Variants in EPO observed in about 807,000 individuals in gnomAD.
EPO encodes the protein epoetin.
Under a neutral mutation model 24.4 loss-of-function variants are expected in EPO, and 12 were observed. The observed-to-expected ratio is 0.49, with a 90% CI of 0.32 to 0.80. The LOEUF (loss-of-function observed/expected upper bound fraction) is 0.80, where lower values mean the gene tolerates loss of function less well. EPO is among the 30% of genes least tolerant of loss of function. EPO has a pLI of 0.04. For synonymous variants in EPO, 107 were observed against 104.0 expected (o/e 1.03, Z -0.18); for missense variants, 210 against 238.0 (o/e 0.88, Z 0.77).
In EPO at chr7:100,723,155, T is replaced by A; in HGVS notation, c.*22T>A. The A allele has an allele frequency of 6.2e-7, 1 of 1,606,182 alleles. No homozygotes were observed. Among genetic ancestry groups the A allele is most frequent in the Non-Finnish European group, 8.5e-7 (1 of 1,175,466 alleles). On this transcript the variant is annotated 3_prime_UTR_variant, in exon 5 of 5. Transcript: ENST00000252723. ...ATGACCAGGTGTGTCCACCTGGGCA[T>A]ATCCACCACCTCCCTCACCAACATT... is the stretch of plus-strand genomic sequence containing the variant.
In EPO at chr7:100,723,040, C is replaced by A. The variant is rs1806774675; in HGVS notation, c.489C>A (p.Asp163Glu). The change falls in exon 5 of 5, where the codon GAC (aspartate) becomes GAA (glutamate). Residue 163 changes from aspartate (D) to glutamate (E), a missense_variant. Transcript: ENST00000252723. Reference protein sequence around the residue: ...SAAPLRTITADTFRKLFRVYS... With the variant: ...SAAPLRTITAETFRKLFRVYS... ...CTCCACTCCGAACAATCACTGCTGACACTTTCCGCAAACTCTTCCGAGTCT... is the reference window on the plus strand; with the variant it reads ...CTCCACTCCGAACAATCACTGCTGAAACTTTCCGCAAACTCTTCCGAGTCT... 1 of 1,614,040 alleles carries A rather than the reference C, an allele frequency of 6.2e-7. No homozygotes were observed. The highest frequency in any genetic ancestry group is 1.3e-5 in the African/African-American group (1 of 74,896).
At position 100,721,841 on chromosome 7, in the gene EPO, C is replaced by G; in HGVS notation, c.160-121C>G. The G allele has an allele frequency of 1.3e-6, 2 of 1,502,190 alleles. No homozygotes were observed. The highest frequency in any genetic ancestry group is 1.8e-6 in the Non-Finnish European group (2 of 1,115,970). 93.1% of individuals were successfully genotyped at this position (1,502,190 alleles called of 1,614,324 possible). A position where few individuals can be genotyped will look rare whatever the true frequency, so the allele number is the denominator to read the frequency against. ...ACTGCCCCCCTACATAAGAATAAGTCTGGTGGCCCCAAACCATACCTGGAA... is the reference window on the plus strand; with the variant it reads ...ACTGCCCCCCTACATAAGAATAAGTGTGGTGGCCCCAAACCATACCTGGAA... On this transcript the variant is annotated intron_variant, in intron 2 of 4. Coordinates refer to ENST00000252723, the MANE Select transcript of EPO (RefSeq NM_000799.4). The surrounding 1 kb of genome is among the most constrained non-coding windows in gnomAD (Gnocchi z 4.0).
Position 100,720,849 on chromosome 7 carries a change from C to T in EPO, c.-132C>T. ...CGCCCGCTCTGCTCCGACACCGCGCCCCCTGGACAGCCGCCCTCTCCTCCA... is the reference window on the plus strand; with the variant it reads ...CGCCCGCTCTGCTCCGACACCGCGCTCCCTGGACAGCCGCCCTCTCCTCCA... On this transcript the variant is annotated 5_prime_UTR_variant, in exon 1 of 5. Coordinates refer to ENST00000252723, the MANE Select transcript of EPO (RefSeq NM_000799.4). The T allele has an allele frequency of 8.8e-7, 1 of 1,138,390 alleles. No homozygotes were observed. Among genetic ancestry groups the T allele is most frequent in the Non-Finnish European group, 1.1e-6 (1 of 870,256 alleles). The allele number at this position is 1,138,390 out of a possible 1,614,324, so 70.5% of individuals were successfully genotyped here. A position where few individuals can be genotyped will look rare whatever the true frequency, so the allele number is the denominator to read the frequency against.
At position 100,721,008 on chromosome 7, in the gene EPO, G is replaced by T. The variant is rs1275606699; in HGVS notation, c.13+15G>T. ...GGGGGTGCACGGTGAGTACTCGCGG[G>T]CTGGGCGCTCCCGCCCGCCCGGGTC... is the stretch of plus-strand genomic sequence containing the variant. On this transcript the variant is annotated intron_variant, in intron 1 of 4. Coordinates refer to ENST00000252723, the MANE Select transcript of EPO (RefSeq NM_000799.4). This position sits in a 1 kb window ranked among gnomAD's most constrained non-coding sequence, Gnocchi z 4.0. 1 of 1,574,990 alleles carries T rather than the reference G, an allele frequency of 6.3e-7. No homozygotes were observed. Among genetic ancestry groups the T allele is most frequent in the Admixed American group, 1.8e-5 (1 of 55,808 alleles).
Position 100,721,652 on chromosome 7 carries a change from C to T in EPO, c.108C>T (p.Ser36=), listed in dbSNP as rs140045752. Residue 36 remains serine (S), a synonymous_variant, in exon 2 of 5, where the codon AGC becomes AGT. Transcript: ENST00000252723. The surrounding 1 kb of genome is among the most constrained non-coding windows in gnomAD (Gnocchi z 4.0). ...CCCCACCACGCCTCATCTGTGACAG[C>T]CGAGTCCTGGAGAGGTACCTCTTGG... The part of the protein sequence containing the change: ...LGAPPRLICD[S]RVLERYLLEA... 6.7e-4 allele frequency: 1,079 copies of T among 1,613,450 alleles called. 6 individuals carry two copies. The African/African-American group carries it at 0.011, about 17-fold the overall frequency.
chr7:100,722,564 G>A, intron 3 of EPO, 100 bp from the exon 4 acceptor site: 1 of 909,930 alleles, frequency 1.1e-6, no homozygotes, highest in Non-Finnish European at 1.7e-6. Flanking sequence ...AAGTCTTATT[G>A]CATACCTTCT....
In EPO at chr7:100,721,404, T is replaced by C. The variant is rs955145231; in HGVS notation, c.14-154T>C. ...GTGGGGTGTGCACACGGCAGCAGGATTGAATGAAGGCCAGGGAGGCAGCAC... is the reference window on the plus strand; with the variant it reads ...GTGGGGTGTGCACACGGCAGCAGGACTGAATGAAGGCCAGGGAGGCAGCAC... On this transcript the variant is annotated intron_variant, in intron 1 of 4. Transcript: ENST00000252723. This position sits in a 1 kb window ranked among gnomAD's most constrained non-coding sequence, Gnocchi z 4.0. Among the ~76,000 whole-genome samples the C allele has an allele frequency of 5.3e-5, 8 of 151,980 alleles. No individual in the cohort carries two copies. The highest frequency in any genetic ancestry group is 4.2e-4 in the South Asian group (2 of 4,818).
At position 100,720,520 on chromosome 7, in the gene EPO, C is replaced by T. The variant is rs1289374042; in HGVS notation, c.-461C>T. ...TCCCAAGGGTGCGCAACCGGCTGCACTCCCCTCCCGCGACCCAGGGCCCGG... is the reference window on the plus strand; with the variant it reads ...TCCCAAGGGTGCGCAACCGGCTGCATTCCCCTCCCGCGACCCAGGGCCCGG... On this transcript the variant is annotated 5_prime_UTR_variant, in exon 1 of 5. Transcript: ENST00000252723. 6.6e-6 allele frequency among the ~76,000 whole-genome samples: 1 copy of T among 152,154 alleles called. No homozygotes were observed. The highest frequency in any genetic ancestry group is 1.5e-5 in the Non-Finnish European group (1 of 68,006).
Position 100,722,793 on chromosome 7 carries a change from G to C in EPO, c.376G>C (p.Val126Leu). The C allele has an allele frequency of 6.2e-7, 1 of 1,614,052 alleles. No individual in the cohort carries two copies. ...CCTGCAGCTGCATGTGGATAAAGCCGTCAGTGGCCTTCGCAGCCTCACCAC... is the reference window on the plus strand; with the variant it reads ...CCTGCAGCTGCATGTGGATAAAGCCCTCAGTGGCCTTCGCAGCCTCACCAC... ...EPLQLHVDKA[V>L]SGLRSLTTLL... The change falls in exon 4 of 5, where the codon GTC (valine) becomes CTC (leucine). Residue 126 changes from valine (V) to leucine (L), a missense_variant. Val to Leu is a conservative substitution (Grantham distance 32). Transcript: ENST00000252723.
At position 100,721,490 on chromosome 7, in the gene EPO, G is replaced by A. The variant is rs1041528266; in HGVS notation, c.14-68G>A. 6.0e-5 allele frequency: 94 copies of A among 1,569,070 alleles called. No individual in the cohort carries two copies. The highest frequency in any genetic ancestry group is 8.1e-5 in the Non-Finnish European group (93 of 1,155,194). On this transcript the variant is annotated intron_variant, in intron 1 of 4. Transcript: ENST00000252723. This position sits in a 1 kb window ranked among gnomAD's most constrained non-coding sequence, Gnocchi z 4.0. ...GCTGGGGCAGAGACGTGGGGATGAAGGAAGCTGTCCTTCCACAGCCACCCT... is the reference window on the plus strand; with the variant it reads ...GCTGGGGCAGAGACGTGGGGATGAAAGAAGCTGTCCTTCCACAGCCACCCT...
At position 100,722,977 on chromosome 7, in the gene EPO, G is replaced by A; in HGVS notation, c.427-1G>A. 1 of 1,613,888 alleles carries A rather than the reference G, an allele frequency of 6.2e-7. No individual in the cohort carries two copies. On this transcript the variant is annotated splice_acceptor_variant, in intron 4 of 4. Transcript: ENST00000252723. LOFTEE classifies it high-confidence loss of function. Reference sequence around the variant, plus strand: ...GCGACCTCCTGTTTTCTCCTTGGCAGAAGGAAGCCATCTCCCCTCCAGATG... The same window carrying A: ...GCGACCTCCTGTTTTCTCCTTGGCAAAAGGAAGCCATCTCCCCTCCAGATG...
Position 100,721,000 on chromosome 7 carries a change from A to T in EPO, c.13+7A>T. On this transcript the variant is annotated splice_region_variant and intron_variant, in intron 1 of 4. Transcript: ENST00000252723. ...GCGGAGATGGGGGTGCACGGTGAGT[A>T]CTCGCGGGCTGGGCGCTCCCGCCCG... 6.3e-7 allele frequency: 1 copy of T among 1,576,696 alleles called. No homozygotes were observed. Among genetic ancestry groups the T allele is most frequent in the Non-Finnish European group, 8.6e-7 (1 of 1,163,194 alleles).
At position 100,723,348 on chromosome 7, in the gene EPO, G is replaced by A; in HGVS notation, c.*215G>A. On this transcript the variant is annotated 3_prime_UTR_variant, in exon 5 of 5. Transcript: ENST00000252723. ...TAAGGATGTCACAGGGCCAACTTGA[G>A]GGCCCAGAGCAGGAAGCATTCAGAG... 7.2e-6 allele frequency: 4 copies of A among 554,192 alleles called. No homozygotes were observed. Among genetic ancestry groups the A allele is most frequent in the Non-Finnish European group, 6.3e-6 (2 of 318,138 alleles). The allele number at this position is 554,192 out of a possible 1,614,324, so 34.3% of individuals were successfully genotyped here.
rs771071599 is a variant in EPO, at chr7:100,722,520, C to T, written c.247-144C>T. The T allele has an allele frequency of 1.1e-4, 65 of 574,846 alleles. No individual in the cohort carries two copies. The Middle Eastern group carries it at 2.3e-3, about 21-fold the overall frequency. 35.6% of individuals were successfully genotyped at this position (574,846 alleles called of 1,614,324 possible). A position where few individuals can be genotyped will look rare whatever the true frequency, so the allele number is the denominator to read the frequency against. On this transcript the variant is annotated intron_variant, in intron 3 of 4. Transcript: ENST00000252723. ...CATTCATTATTCATTCACTCACTCA[C>T]TCACTCACTCATTCATTCATTCATT...
At position 100,723,453 on chromosome 7, in the gene EPO, G is replaced by C. The variant is rs1272754725; in HGVS notation, c.*320G>C. The C allele has an allele frequency of 2.1e-5, 5 of 237,564 alleles. No individual in the cohort carries two copies. Among genetic ancestry groups the C allele is most frequent in the Non-Finnish European group, 4.1e-5 (5 of 122,862 alleles). The allele number at this position is 237,564 out of a possible 1,614,324, so 14.7% of individuals were successfully genotyped here. On this transcript the variant is annotated 3_prime_UTR_variant, in exon 5 of 5. Transcript: ENST00000252723. ...GGCACCCTGCAAAATTTGATGCCAG[G>C]ACACGCTTTGGAGGCGATTTACCTG...
rs1241127570 is a variant in EPO at position 100,722,856 on chromosome 7, G to A, written c.426+13G>A. 11 of 1,611,666 alleles carry A rather than the reference G, an allele frequency of 6.8e-6. No homozygotes were observed. The highest frequency in any genetic ancestry group is 2.2e-5 in the East Asian group (1 of 44,858). On this transcript the variant is annotated intron_variant, in intron 4 of 4. Coordinates refer to ENST00000252723, the MANE Select transcript of EPO (RefSeq NM_000799.4). ...TCTGGGAGCCCAGGTGAGTAGGAGC[G>A]GACACTTCTGCTTGCCCTTTCTGTA... is the stretch of plus-strand genomic sequence containing the variant.
Position 100,721,126 on chromosome 7 carries a change from G to C in EPO, c.13+133G>C, listed in dbSNP as rs183591549. 2.5e-3 allele frequency: 1,498 copies of C among 603,886 alleles called. 30 individuals are homozygous for C. The African/African-American group carries it at 0.026, about 10-fold the overall frequency. The allele number at this position is 603,886 out of a possible 1,614,324, so 37.4% of individuals were successfully genotyped here. A position where few individuals can be genotyped will look rare whatever the true frequency, so the allele number is the denominator to read the frequency against. ...CTTGTCAAGGACCCCGGAAGGGGGA[G>C]GGGGGTGGGGCAGCCTCCACGTGCC... On this transcript the variant is annotated intron_variant, in intron 1 of 4. Coordinates refer to ENST00000252723, the MANE Select transcript of EPO (RefSeq NM_000799.4). This position sits in a 1 kb window ranked among gnomAD's most constrained non-coding sequence, Gnocchi z 4.0.
rs1806723506 is a variant in EPO at position 100,720,582 on chromosome 7, G to T, written c.-399G>T. 6.6e-6 allele frequency among the ~76,000 whole-genome samples: 1 copy of T among 152,102 alleles called. No individual in the cohort carries two copies. The highest frequency in any genetic ancestry group is 1.5e-5 in the Non-Finnish European group (1 of 67,996). ...ATGACCCACACGCACGTCTGCAGCAGCCCCGCTCACGCCCCGGCGAGCCTC... is the reference window on the plus strand; with the variant it reads ...ATGACCCACACGCACGTCTGCAGCATCCCCGCTCACGCCCCGGCGAGCCTC... On this transcript the variant is annotated 5_prime_UTR_variant, in exon 1 of 5. Transcript: ENST00000252723.
In EPO at chr7:100,722,728, G is replaced by T. The variant is rs777990553; in HGVS notation, c.311G>T (p.Gly104Val). 8.7e-6 allele frequency: 14 copies of T among 1,613,650 alleles called. No individual in the cohort carries two copies. The highest frequency in any genetic ancestry group is 1.0e-5 in the Non-Finnish European group (12 of 1,179,962). Residue 104 changes from glycine (G) to valine (V), a missense_variant, in exon 4 of 5, where the codon GGC (glycine) becomes GTC (valine). Transcript: ENST00000252723. ...CTGCTGTCGGAAGCTGTCCTGCGGG[G>T]CCAGGCCCTGTTGGTCAACTCTTCC... ...LALLSEAVLR[G>V]QALLVNSSQP...
Sources: allele counts gnomAD v4.1 joint callset (sites outside exome capture counted in the v4.1 genomes callset), GRCh38; gene constraint gnomAD v4.1.1; non-coding constraint Gnocchi (gnomAD v3.1); transcripts MANE v1.5; gene names NCBI Gene and HGNC (gene_info 2026-07-23, HGNC 2026-07-21).